SOBP: variants seen among roughly 807,000 people sequenced by gnomAD.
SOBP encodes sine oculis-binding protein homolog.
SOBP carries 4 observed loss-of-function variants against 53.6 expected under a neutral mutation model. That is an observed-to-expected ratio of 0.07 (90% CI 0.04 to 0.17). SOBP has a LOEUF of 0.17. Among genes scored for constraint, SOBP ranks in the 10% least tolerant of loss-of-function variants. SOBP has a pLI of 1.00. For missense variants in SOBP, 1,088 were observed against 1,204.7 expected (o/e 0.90, Z 1.43); for synonymous variants, 584 against 522.6 (o/e 1.12, Z -1.60).
rs376067540 is a variant in SOBP at position 107,533,700 on chromosome 6, G to A, written c.573+90G>A. 8.4e-4 allele frequency: 1,256 copies of A among 1,500,432 alleles called. 21 individuals are homozygous for A. The South Asian group carries it at 0.014, about 16-fold the overall frequency. 92.9% of individuals were successfully genotyped at this position (1,500,432 alleles called of 1,614,324 possible). Reference sequence around the variant, plus strand: ...CATAGCTTCTAGCGGAAAACACTGCGCACCTTTTACTTTTATATTTTTATT... The same window carrying A: ...CATAGCTTCTAGCGGAAAACACTGCACACCTTTTACTTTTATATTTTTATT... On this transcript the variant is annotated intron_variant, in intron 4 of 6. Transcript: ENST00000317357.
At chr6:107,623,477 G>A (rs891860309) in intron 5 of SOBP, among the ~76,000 whole-genome samples, 1 of 152,282 alleles carries the variant, frequency 6.6e-6, no homozygotes, top group East Asian at 1.9e-4. Flanking sequence ...ACACTGCAAA[G>A]AGTAGGGAAT....
At position 107,500,527 on chromosome 6, in the gene SOBP, A is replaced by T. The variant is rs551197406; in HGVS notation, c.97-3130A>T. On this transcript the variant is annotated intron_variant, in intron 1 of 6. Transcript: ENST00000317357. ...ACCTTGAAATTTAAATTTAAAAAAA[A>T]TTTTTTTTTTTTGAGAAGGAATCTC... Among the ~76,000 whole-genome samples, 919 of 148,322 alleles carry T rather than the reference A, an allele frequency of 6.2e-3. 4 individuals are homozygous for T. Among genetic ancestry groups the T allele is most frequent in the African/African-American group, 0.021 (841 of 40,614 alleles).
intron 1 of SOBP, among the ~76,000 whole-genome samples, chr6:107,494,786 A>G (rs1782658803): frequency 6.6e-6 from 1 of 152,234 alleles, no homozygotes; most frequent in Non-Finnish European, 1.5e-5. Context: ...CCTGATGCCT[A>G]CAATTTGGGT....
chr6:107,639,993 G>A (rs1413033775), intron 6 of SOBP, among the ~76,000 whole-genome samples: 1 of 152,166 alleles, frequency 6.6e-6, no homozygotes, highest in Non-Finnish European at 1.5e-5. Context: ...GCTCAGCAGG[G>A]GGGACTTGAC....
At chr6:107,529,930 T>C (rs933808142) in intron 3 of SOBP, among the ~76,000 whole-genome samples, 1 of 152,210 alleles carries the variant, frequency 6.6e-6, no homozygotes, top group African/African-American at 2.4e-5. Flanking sequence ...AATTGAAATA[T>C]GCTTATTTTG....
chr6:107,638,195 T>TTTTATTTATTTA lies in SOBP; in HGVS notation c.*3+2731_*3+2742dup, dbSNP rs138272779. Among the ~76,000 whole-genome samples the TTTTATTTATTTA allele has an allele frequency of 2.6e-3, 396 of 151,052 alleles. 2 individuals carry two copies. The highest frequency in any genetic ancestry group is 9.2e-3 in the African/African-American group (379 of 41,220). The stretch of plus-strand genomic sequence containing the variant: ...ACATTCTCTGGCCCTTCCTGGTTTG[T>TTTTATTTATTTA]TTTATTTATTTATTTAGTTATTTAT... On this transcript the variant is annotated intron_variant, in intron 6 of 6. Coordinates refer to ENST00000317357, the MANE Select transcript of SOBP (RefSeq NM_018013.4).
At chr6:107,612,453 A>G (rs1166381755) in intron 5 of SOBP, among the ~76,000 whole-genome samples, 1 of 152,214 alleles carries the variant, frequency 6.6e-6, no homozygotes, top group African/African-American at 2.4e-5. Context: ...GTAGACTTAG[A>G]GCAGCAGTTT....
At position 107,604,565 on chromosome 6, in the gene SOBP, C is replaced by A. The variant is rs1409343373; in HGVS notation, c.669+17390C>A. On this transcript the variant is annotated intron_variant, in intron 5 of 6. Coordinates refer to ENST00000317357, the MANE Select transcript of SOBP (RefSeq NM_018013.4). ...CACCTCTACCCCTACCCCACCTCTA[C>A]CCACATCCCATCCCCACAGCCCTGC... is the stretch of plus-strand genomic sequence containing the variant. Among the ~76,000 whole-genome samples the A allele has an allele frequency of 2.0e-5, 3 of 147,728 alleles. No homozygotes were observed. In the East Asian group the frequency reaches 6.4e-4, roughly 31 times the overall value.
chr6:107,507,395 T>C (rs969354167), intron 3 of SOBP, among the ~76,000 whole-genome samples: 30 of 152,248 alleles, frequency 2.0e-4, no homozygotes, highest in African/African-American at 6.5e-4. Context: ...AACCTCTGCC[T>C]CCCGAGTTCA....
chr6:107,521,546 G>T (rs1324244144), intron 3 of SOBP, among the ~76,000 whole-genome samples: 1 of 152,104 alleles, frequency 6.6e-6, no homozygotes, highest in African/African-American at 2.4e-5. Flanking sequence ...TCAACTTCAG[G>T]ACCTACACTT....
chr6:107,610,562 G>A (rs1006603271), intron 5 of SOBP, among the ~76,000 whole-genome samples: 1 of 152,214 alleles, frequency 6.6e-6, no homozygotes, highest in Non-Finnish European at 1.5e-5. Flanking sequence ...ATGCAGAATA[G>A]TTGAATCAGA....
intron 6 of SOBP, among the ~76,000 whole-genome samples, chr6:107,648,849 G>A (rs1771674277): frequency 6.6e-6 from 1 of 152,112 alleles, no homozygotes; most frequent in Non-Finnish European, 1.5e-5. Context: ...TTGCTTCCAA[G>A]TGAAATAAGT....
At chr6:107,602,167 T>G (rs1018135851) in intron 5 of SOBP, among the ~76,000 whole-genome samples, 1 of 152,130 alleles carries the variant, frequency 6.6e-6, no homozygotes, top group Non-Finnish European at 1.5e-5. Flanking sequence ...GTCCACATGA[T>G]ATAGAGAAAG....
intron 1 of SOBP, among the ~76,000 whole-genome samples, chr6:107,502,614 A>C (rs1332384723): frequency 6.6e-6 from 1 of 152,200 alleles, no homozygotes. Context: ...GTTTTCATAC[A>C]TTATCCCAAA....
At chr6:107,520,568 G>A (rs909198738) in intron 3 of SOBP, among the ~76,000 whole-genome samples, 5 of 152,168 alleles carry the variant, frequency 3.3e-5, no homozygotes, top group South Asian at 2.1e-4. Flanking sequence ...GAGTTATGAC[G>A]TAGCTAGGAT....
At chr6:107,521,908 A>AC (rs1783503224) in intron 3 of SOBP, among the ~76,000 whole-genome samples, 1 of 105,598 alleles carries the variant, frequency 9.5e-6, no homozygotes, top group South Asian at 3.2e-4. Flanking sequence ...ACAGACATTA[A>AC]AACACACACA....
intron 6 of SOBP, among the ~76,000 whole-genome samples, chr6:107,646,556 C>T (rs1228472487): frequency 6.6e-6 from 1 of 152,242 alleles, no homozygotes; most frequent in East Asian, 1.9e-4. Context: ...GATGCCTAGA[C>T]TGTCTGTCCT....
chr6:107,541,430 A>C (rs1303531956), intron 4 of SOBP, among the ~76,000 whole-genome samples: 1 of 152,186 alleles, frequency 6.6e-6, no homozygotes, highest in African/African-American at 2.4e-5. Context: ...AAATAGTAGA[A>C]GTTATGACGT....
chr6:107,538,100 T>G (rs1432781996), intron 4 of SOBP, among the ~76,000 whole-genome samples: 1 of 151,134 alleles, frequency 6.6e-6, no homozygotes, highest in Non-Finnish European at 1.5e-5. Flanking sequence ...CAGCGATCTC[T>G]TCTTAGAAGA....
Sources: gnomAD v4.1 joint callset for allele counts (sites outside exome capture counted in the v4.1 genomes callset) on GRCh38, gnomAD v4.1.1 for gene constraint, MANE v1.5 for transcripts, NCBI Gene and HGNC (gene_info 2026-07-23, HGNC 2026-07-21) for gene names.